Variants in CYP3A5 observed in about 807,000 individuals in gnomAD.
CYP3A5 encodes the protein cytochrome P450 family 3 subfamily A member 5.
Under a neutral mutation model 55.9 loss-of-function variants are expected in CYP3A5, and 51 were observed. That is an observed-to-expected ratio of 0.91 (90% confidence interval 0.73 to 1.15). The LOEUF (loss-of-function observed/expected upper bound fraction) is 1.15, where lower values mean the gene tolerates loss of function less well. Ranked by LOEUF, CYP3A5 falls within the 50% of genes most tolerant of loss-of-function variation. The pLI is 0.00. For synonymous variants in CYP3A5, 196 were observed against 213.9 expected, an observed-to-expected ratio of 0.92 and a Z score of 0.73; for missense variants, 533 against 596.6, an observed-to-expected ratio of 0.89 and a Z score of 1.11.
At chr7:99,651,551 A>G (rs760905782) in intron 11 of CYP3A5, among the ~76,000 whole-genome samples, 1 of 152,312 alleles carries the variant, frequency 6.6e-6, no homozygotes, top group African/African-American at 2.4e-5. Flanking sequence ...TACTCTGTGA[A>G]CAAGTATTAT....
chr7:99,663,685 A>G lies in CYP3A5; in HGVS notation c.798+283T>C, dbSNP rs1292157397. 11 of 1,040,942 alleles carry G rather than the reference A, an allele frequency of 1.1e-5. No individual in the cohort carries two copies. The Admixed American group carries it at 1.7e-4, about 16-fold the overall frequency. 64.5% of individuals were successfully genotyped at this position (1,040,942 alleles called of 1,614,324 possible). On this transcript the variant is annotated intron_variant, in intron 8 of 12. Coordinates refer to ENST00000222982, the MANE Select transcript of CYP3A5 (RefSeq NM_000777.5). ...AAACAGGAAACTTTATCCTTTGACA[A>G]TTTATTAAAGGGAAGAGAAGTGGTA...
intron 10 of CYP3A5, among the ~76,000 whole-genome samples, chr7:99,655,087 A>G (rs577822372): frequency 5.3e-5 from 8 of 152,256 alleles, no homozygotes; most frequent in Admixed American, 3.3e-4. Flanking sequence ...GTTTCATTAG[A>G]TCCCATTTGT....
chr7:99,654,994 G>A (rs1041938016), intron 10 of CYP3A5, among the ~76,000 whole-genome samples: 1 of 152,136 alleles, frequency 6.6e-6, no homozygotes, highest in African/African-American at 2.4e-5. Flanking sequence ...TGTCAGATGA[G>A]TAGGTTGCAA....
At chr7:99,654,187 C>T (rs375393412) in intron 10 of CYP3A5, among the ~76,000 whole-genome samples, 18 of 152,186 alleles carry the variant, frequency 1.2e-4, no homozygotes, top group African/African-American at 4.3e-4. Flanking sequence ...CCCATTAACT[C>T]GTCATTTAAC....
At chr7:99,676,564 G>C (rs748783311) in intron 1 of CYP3A5, 1 of 1,357,226 alleles carries the variant, frequency 7.4e-7, no homozygotes, top group South Asian at 1.1e-5. Flanking sequence ...TCGCTGATTT[G>C]GGGACTCTCA....
Position 99,667,012 on chromosome 7 carries a change from TTCA to T in CYP3A5, c.369_371del (p.Asp123del). The T allele has an allele frequency of 6.2e-7, 1 of 1,614,170 alleles. No individual in the cohort carries two copies. The highest frequency in any genetic ancestry group is 8.5e-7 in the Non-Finnish European group (1 of 1,180,000). ...GCAATGACCGTATTCTCTTCCATTC[TTCA>T]TCCTCAGCTAAAGAGATGGCACTTT... On this transcript the variant is annotated inframe_deletion, in exon 5 of 13. Transcript: ENST00000222982.
At chr7:99,660,052 G>C in intron 10 of CYP3A5, 1 of 274,282 alleles carries the variant, frequency 3.6e-6, no homozygotes, top group Non-Finnish European at 5.6e-6. Flanking sequence ...GCTCAGGCTG[G>C]GTGCACTGCA....
intron 8 of CYP3A5, chr7:99,663,445 T>A: frequency 1.0e-6 from 1 of 989,874 alleles, no homozygotes; most frequent in Non-Finnish European, 1.2e-6. Context: ...CAAAGCTGAG[T>A]TAGCCAGCCT....
chr7:99,655,707 A>G (rs1410935250), intron 10 of CYP3A5, among the ~76,000 whole-genome samples: 1 of 152,198 alleles, frequency 6.6e-6, no homozygotes, highest in Non-Finnish European at 1.5e-5. Context: ...CTTCCTACCC[A>G]TGAGCATGGA....
In CYP3A5 at chr7:99,665,169, T is replaced by C. The variant is rs150205685; in HGVS notation, c.667A>G (p.Ile223Val). 1.4e-5 allele frequency: 22 copies of C among 1,608,466 alleles called. No homozygotes were observed. Among genetic ancestry groups the C allele is most frequent in the East Asian group, 8.9e-5 (4 of 44,870 alleles). The change falls in exon 7 of 13, where the codon ATA becomes GTA. Residue 223 changes from isoleucine to valine, a missense_variant. Physicochemically the swap from Ile to Val is conservative, Grantham distance 29. Coordinates refer to ENST00000222982, the MANE Select transcript of CYP3A5 (RefSeq NM_000777.5). Reference sequence around the variant, plus strand: ...AAAGAAATAATAGCCCACATACTTATTGAGAGAAATAATGGATCTAAGAAA... The same window carrying C: ...AAAGAAATAATAGCCCACATACTTACTGAGAGAAATAATGGATCTAAGAAA... ...FGFLDPLFLS[I>V]ILFPFLTPVF...
chr7:99,671,537 C>T (rs1200102271), intron 4 of CYP3A5: 1 of 346,246 alleles, frequency 2.9e-6, no homozygotes, highest in African/African-American at 2.1e-5. Flanking sequence ...CAGCCATAGT[C>T]CACAGAAAAT....
At chr7:99,666,126 A>G (rs1208554565) in intron 6 of CYP3A5, among the ~76,000 whole-genome samples, 2 of 152,156 alleles carry the variant, frequency 1.3e-5, no homozygotes, top group Non-Finnish European at 2.9e-5. Flanking sequence ...TTGGAGGAAA[A>G]GGAAGTAGTG....
intron 10 of CYP3A5, chr7:99,660,214 CTTTTTTTTTTTTTT>C (rs34318418): frequency 3.6e-4 from 156 of 429,916 alleles, no homozygotes; most frequent in Middle Eastern, 1.2e-3. Flanking sequence ...CGCCACACTC[CTTTTTTTTTTTTTT>C]TTTTTTTTTT....
intron 10 of CYP3A5, among the ~76,000 whole-genome samples, chr7:99,655,329 A>C (rs1809600037): frequency 6.6e-6 from 1 of 152,214 alleles, no homozygotes; most frequent in Non-Finnish European, 1.5e-5. Context: ...CATTTATTAA[A>C]TAGGGAATCC....
At chr7:99,658,828 C>A (rs1191090064) in intron 10 of CYP3A5, 1 of 152,144 alleles carries the variant, frequency 6.6e-6, no homozygotes, top group East Asian at 1.9e-4. Context: ...TCATTTCATT[C>A]ATTTGATCTT....
chr7:99,663,184 C>T (rs1562993659), intron 8 of CYP3A5: 2 of 1,127,668 alleles, frequency 1.8e-6, no homozygotes, highest in East Asian at 6.3e-5. Flanking sequence ...TTGCCGGTTC[C>T]ATCTCTGGTC....
chr7:99,665,237 T>C lies in CYP3A5; in HGVS notation c.599A>G (p.Gln200Arg), dbSNP rs56411402. 90 of 1,614,138 alleles carry C rather than the reference T, an allele frequency of 5.6e-5. No individual in the cohort carries two copies. The East Asian group carries it at 1.9e-3, about 34-fold the overall frequency. ...GVNIDSLNNP[Q>R]DPFVESTKKF... Reference sequence around the variant, plus strand: ...CTTAGTGCTCTCCACAAAGGGGTCTTGTGGATTGTTGAGAGAGTCGATGTT... The same window carrying C: ...CTTAGTGCTCTCCACAAAGGGGTCTCGTGGATTGTTGAGAGAGTCGATGTT... The change falls in exon 7 of 13, where the codon CAA becomes CGA. Residue 200 changes from glutamine (Q) to arginine (R), a missense_variant. Gln to Arg is a conservative substitution (Grantham distance 43, BLOSUM62 1). Transcript: ENST00000222982.
At chr7:99,649,009 C>T (rs1045187630) in intron 12 of CYP3A5, among the ~76,000 whole-genome samples, 4 of 152,214 alleles carry the variant, frequency 2.6e-5, no homozygotes, top group Non-Finnish European at 5.9e-5. Context: ...ACTCATACTT[C>T]TAGCACTATT....
At chr7:99,671,215 C>T (rs1482806480) in intron 4 of CYP3A5, 2 of 153,148 alleles carry the variant, frequency 1.3e-5, no homozygotes, top group East Asian at 3.8e-4. Flanking sequence ...CCCAGGGAAG[C>T]CAAAAGATTG....
Sources: allele counts gnomAD v4.1 joint callset (sites outside exome capture counted in the v4.1 genomes callset), GRCh38; gene constraint gnomAD v4.1.1; transcripts MANE v1.5; gene names NCBI Gene and HGNC (gene_info 2026-07-23, HGNC 2026-07-21).